The following MYO3B variants were observed in gnomAD, a reference collection of about 807,000 sequenced individuals.
MYO3B encodes myosin-IIIb.
MYO3B carries 156 observed loss-of-function variants against 174.6 expected under a neutral mutation model. The ratio of observed to expected loss-of-function variants is 0.89; its 90% CI spans 0.78 to 1.02. The LOEUF is 1.02. Among genes scored for constraint, MYO3B ranks in the 50% least tolerant of loss-of-function variants. The pLI is 0.00. For synonymous variants in MYO3B, 563 were observed against 569.1 expected (o/e 0.99, Z 0.15); for missense variants, 1,632 against 1,639.4 (o/e 1.00, Z 0.08).
intron 7 of MYO3B, among the ~76,000 whole-genome samples, chr2:170,295,566 T>G (rs1318935687): frequency 6.6e-6 from 1 of 152,076 alleles, no homozygotes. Flanking sequence ...GTATTCTATT[T>G]ATATCTTATT....
At chr2:170,602,846 C>T (rs1215640913) in intron 32 of MYO3B, among the ~76,000 whole-genome samples, 2 of 152,254 alleles carry the variant, frequency 1.3e-5, no homozygotes, top group East Asian at 3.9e-4. Flanking sequence ...GCAGGTAGAT[C>T]ACCTGAGGTC....
At chr2:170,497,234 CT>C (rs1200506281) in intron 25 of MYO3B, among the ~76,000 whole-genome samples, 1 of 148,130 alleles carries the variant, frequency 6.8e-6, no homozygotes, top group African/African-American at 2.5e-5. Context: ...GCTAAATTTC[CT>C]CAGTTAATTA....
chr2:170,369,279 A>G lies in MYO3B; in HGVS notation c.873A>G (p.Pro291=), dbSNP rs1411474835. The change falls in exon 9 of 35, where the codon CCA becomes CCG. Residue 291 remains proline (P), a synonymous_variant. Coordinates refer to ENST00000408978, the MANE Select transcript of MYO3B (RefSeq NM_138995.5). Reference sequence around the variant, plus strand: ...CCGTCACACATCTCCTTGACCACCCATTTATTAAAGGAGTACATGGAAAAG... The same window carrying G: ...CCGTCACACATCTCCTTGACCACCCGTTTATTAAAGGAGTACATGGAAAAG... ...RPSVTHLLDH[P]FIKGVHGKVL... The G allele has an allele frequency of 8.1e-6, 13 of 1,613,728 alleles. No individual in the cohort carries two copies. The highest frequency in any genetic ancestry group is 6.7e-5 in the African/African-American group (5 of 74,928).
intron 7 of MYO3B, among the ~76,000 whole-genome samples, chr2:170,298,723 A>G (rs1326573693): frequency 1.3e-5 from 2 of 151,058 alleles, no homozygotes; most frequent in African/African-American, 2.4e-5. Context: ...ATACCCTGGC[A>G]TGGGAGTTTT....
At chr2:170,640,847 C>T (rs1697900525) in intron 32 of MYO3B, 1 of 151,490 alleles carries the variant, frequency 6.6e-6, no homozygotes, top group Non-Finnish European at 1.5e-5. Context: ...ACTGGTTTTC[C>T]ATTTACAGTG....
At chr2:170,497,624 A>AC (rs1376629303) in intron 25 of MYO3B, among the ~76,000 whole-genome samples, 1 of 151,274 alleles carries the variant, frequency 6.6e-6, no homozygotes, top group Non-Finnish European at 1.5e-5. Context: ...TCTCAAAAAA[A>AC]AAAGAAATAC....
chr2:170,626,264 A>C (rs1696420488), intron 32 of MYO3B, among the ~76,000 whole-genome samples: 1 of 152,154 alleles, frequency 6.6e-6, no homozygotes. Flanking sequence ...TATATTTAGG[A>C]TAGTTAGCTC....
chr2:170,539,761 G>A (rs745418727), intron 30 of MYO3B, among the ~76,000 whole-genome samples: 7 of 151,672 alleles, frequency 4.6e-5, no homozygotes, highest in East Asian at 1.9e-4. Context: ...CTGGGACTAC[G>A]GGTGCACATC....
chr2:170,464,880 CT>C (rs1276708376), intron 24 of MYO3B, among the ~76,000 whole-genome samples: 3 of 148,452 alleles, frequency 2.0e-5, no homozygotes, highest in Non-Finnish European at 4.5e-5. Flanking sequence ...TTTTTTTTTT[CT>C]TTTAAGACAG....
intron 7 of MYO3B, among the ~76,000 whole-genome samples, chr2:170,322,316 A>C (rs2093834279): frequency 6.6e-6 from 1 of 152,188 alleles, no homozygotes; most frequent in African/African-American, 2.4e-5. Flanking sequence ...GTAGGAAAAA[A>C]TGTCCAAAGC....
At chr2:170,512,542 C>A (rs2106118496) in intron 28 of MYO3B, among the ~76,000 whole-genome samples, 1 of 152,258 alleles carries the variant, frequency 6.6e-6, no homozygotes, top group Admixed American at 6.5e-5. Flanking sequence ...GCCTAGATCA[C>A]CAACCAGGAA....
intron 9 of MYO3B, among the ~76,000 whole-genome samples, chr2:170,372,392 A>G (rs1295085246): frequency 6.6e-6 from 1 of 152,122 alleles, no homozygotes; most frequent in East Asian, 1.9e-4. Flanking sequence ...AACACTAACT[A>G]CCTCTTGCCC....
chr2:170,613,863 T>G (rs1695275495), intron 32 of MYO3B, among the ~76,000 whole-genome samples: 1 of 152,206 alleles, frequency 6.6e-6, no homozygotes, highest in Non-Finnish European at 1.5e-5. Flanking sequence ...TCCTCAGTTT[T>G]GGGACTCAGC....
At chr2:170,541,864 C>A (rs1297776411) in intron 30 of MYO3B, among the ~76,000 whole-genome samples, 3 of 152,070 alleles carry the variant, frequency 2.0e-5, no homozygotes, top group African/African-American at 7.2e-5. Flanking sequence ...ATAGTCCCCT[C>A]CTTCCAGGTA....
chr2:170,526,071 A>T (rs961055068), intron 30 of MYO3B, among the ~76,000 whole-genome samples: 4 of 152,154 alleles, frequency 2.6e-5, no homozygotes, highest in African/African-American at 9.7e-5. Context: ...TGTGGTAAAC[A>T]CTGTATGTAT....
chr2:170,338,133 A>G (rs2093957236), intron 8 of MYO3B: 1 of 152,188 alleles, frequency 6.6e-6, no homozygotes, highest in Admixed American at 6.5e-5. Context: ...TTTCAGATGC[A>G]CTCATTCTGA....
At chr2:170,436,596 G>T (rs544643515) in intron 22 of MYO3B, among the ~76,000 whole-genome samples, 1 of 152,184 alleles carries the variant, frequency 6.6e-6, no homozygotes, top group East Asian at 1.9e-4. Flanking sequence ...GAAATCTTGA[G>T]CATCTTGCAT....
At chr2:170,619,758 T>TTTTTTTTTTTTTTTG (rs1695746379) in intron 32 of MYO3B, among the ~76,000 whole-genome samples, 1 of 132,340 alleles carries the variant, frequency 7.6e-6, no homozygotes, top group Non-Finnish European at 1.6e-5. Flanking sequence ...TTTTTTTTTT[T>TTTTTTTTTTTTTTTG]TTTTTTGAGA....
intron 8 of MYO3B, among the ~76,000 whole-genome samples, chr2:170,365,188 G>T (rs1294624017): frequency 6.6e-6 from 1 of 152,224 alleles, no homozygotes; most frequent in East Asian, 1.9e-4. Context: ...AAAGCAGGAA[G>T]GGTCCTCCTG....
Sources: gnomAD v4.1 joint callset for allele counts (sites outside exome capture counted in the v4.1 genomes callset) on GRCh38, gnomAD v4.1.1 for gene constraint, MANE v1.5 for transcripts, NCBI Gene and HGNC (gene_info 2026-07-23, HGNC 2026-07-21) for gene names.